Variants in CDH13 observed in about 807,000 individuals in gnomAD.
The protein encoded by CDH13 is cadherin-13.
CDH13 carries 24 observed loss-of-function variants against 63.8 expected under a neutral mutation model. That is an observed-to-expected ratio of 0.38 (90% CI 0.27 to 0.53). CDH13 has a LOEUF of 0.53. Among genes scored for constraint, CDH13 ranks in the 20% least tolerant of loss-of-function variants. The pLI, the probability that CDH13 is intolerant of heterozygous loss-of-function variation, is 0.85. For synonymous variants in CDH13, 503 were observed against 355.3 expected (o/e 1.42, Z -4.67); for missense variants, 1,049 against 903.1 (o/e 1.16, Z -2.07).
intron 5 of CDH13, among the ~76,000 whole-genome samples, chr16:83,231,741 G>A (rs1034949499): frequency 3.9e-5 from 6 of 152,092 alleles, no homozygotes; most frequent in Non-Finnish European, 8.8e-5. Flanking sequence ...GAAAAAGCCT[G>A]CCAACCCCGG....
At chr16:83,263,427 G>A (rs1009021423) in intron 5 of CDH13, among the ~76,000 whole-genome samples, 1 of 151,824 alleles carries the variant, frequency 6.6e-6, no homozygotes, top group Non-Finnish European at 1.5e-5. Context: ...TTTCCTCCTG[G>A]TTCTTCCTCT....
intron 5 of CDH13, among the ~76,000 whole-genome samples, chr16:83,264,329 A>G (rs1168330621): frequency 6.6e-6 from 1 of 152,196 alleles, no homozygotes; most frequent in African/African-American, 2.4e-5. Context: ...ATCTTTGTTT[A>G]TGAATTTTTA....
intron 13 of CDH13, among the ~76,000 whole-genome samples, chr16:83,784,615 G>A (rs1473112049): frequency 7.1e-6 from 1 of 140,324 alleles, no homozygotes. Flanking sequence ...CTGGGTGACA[G>A]AGCAAGGCTC....
chr16:83,711,508 G>C (rs527952369), intron 10 of CDH13, among the ~76,000 whole-genome samples: 1 of 152,064 alleles, frequency 6.6e-6, no homozygotes, highest in South Asian at 2.1e-4. Context: ...TTATTTTTTG[G>C]TTTTTTTGTT....
At chr16:83,141,616 C>T (rs1052861003) in intron 4 of CDH13, among the ~76,000 whole-genome samples, 17 of 152,222 alleles carry the variant, frequency 1.1e-4, no homozygotes, top group Admixed American at 4.6e-4. Context: ...CCATCATCTA[C>T]GTTTTAAGCC....
chr16:83,370,007 C>A (rs192871528), intron 6 of CDH13, among the ~76,000 whole-genome samples: 1 of 152,226 alleles, frequency 6.6e-6, no homozygotes, highest in African/African-American at 2.4e-5. Flanking sequence ...CCATCTGAAA[C>A]GATCTCCTCC....
intron 6 of CDH13, among the ~76,000 whole-genome samples, chr16:83,408,393 C>G (rs1218613792): frequency 6.6e-6 from 1 of 152,146 alleles, no homozygotes; most frequent in Admixed American, 6.5e-5. Flanking sequence ...TTACGCAAAT[C>G]TAGATGGTAT....
At chr16:82,944,221 T>C (rs1482216666) in intron 2 of CDH13, among the ~76,000 whole-genome samples, 2 of 152,152 alleles carry the variant, frequency 1.3e-5, no homozygotes, top group Non-Finnish European at 2.9e-5. Flanking sequence ...GGGCCCTAAT[T>C]TGGAGTTCCA....
intron 5 of CDH13, among the ~76,000 whole-genome samples, chr16:83,326,547 C>G (rs1009876254): frequency 6.6e-6 from 1 of 151,500 alleles, no homozygotes; most frequent in African/African-American, 2.4e-5. Flanking sequence ...GAACAAAATT[C>G]AGAAGAGAAG....
chr16:82,783,490 AG>A (rs2035862030), intron 1 of CDH13, among the ~76,000 whole-genome samples: 1 of 152,220 alleles, frequency 6.6e-6, no homozygotes, highest in Non-Finnish European at 1.5e-5. Flanking sequence ...CAGAGAGGTG[AG>A]CCCCAGGAGG....
intron 5 of CDH13, among the ~76,000 whole-genome samples, chr16:83,224,408 G>T (rs2039785407): frequency 6.6e-6 from 1 of 152,204 alleles, no homozygotes; most frequent in South Asian, 2.1e-4. Flanking sequence ...TTCCAAGTGA[G>T]AGCCTGTCAG....
At chr16:83,001,064 T>G (rs1912872598) in intron 2 of CDH13, among the ~76,000 whole-genome samples, 1 of 152,266 alleles carries the variant, frequency 6.6e-6, no homozygotes, top group Non-Finnish European at 1.5e-5. Flanking sequence ...TTGTGAATTC[T>G]TACTGCTCTA....
intron 2 of CDH13, among the ~76,000 whole-genome samples, chr16:82,865,984 C>T (rs1051822376): frequency 1.3e-5 from 2 of 152,136 alleles, no homozygotes; most frequent in African/African-American, 4.8e-5. Flanking sequence ...TTTCTTCTGC[C>T]AGATACCCTA....
chr16:82,744,875 A>G (rs1427365122), intron 1 of CDH13, among the ~76,000 whole-genome samples: 1 of 152,146 alleles, frequency 6.6e-6, no homozygotes, highest in Non-Finnish European at 1.5e-5. Flanking sequence ...TGGCAGTGAT[A>G]CCCAGTTGTA....
chr16:82,778,590 A>AG (rs1046577380), intron 1 of CDH13, among the ~76,000 whole-genome samples: 2 of 151,748 alleles, frequency 1.3e-5, no homozygotes, highest in African/African-American at 4.8e-5. Context: ...AAAAAAAAAA[A>AG]AAAGGTCTGC....
At chr16:82,727,944 G>A (rs144799268) in intron 1 of CDH13, among the ~76,000 whole-genome samples, 1 of 152,092 alleles carries the variant, frequency 6.6e-6, no homozygotes, top group Non-Finnish European at 1.5e-5. Context: ...GTCTCTGCAG[G>A]TTCAAATTCC....
intron 1 of CDH13, among the ~76,000 whole-genome samples, chr16:82,835,701 T>G (rs558629453): frequency 2.0e-5 from 3 of 152,172 alleles, no homozygotes; most frequent in Non-Finnish European, 2.9e-5. Flanking sequence ...GTTCTCTAGA[T>G]AGAAGTTTCC....
In CDH13 at chr16:83,127,343, G is replaced by C. The variant is rs143405076; in HGVS notation, c.483+1842G>C. Among the ~76,000 whole-genome samples, 269 of 152,334 alleles carry C rather than the reference G, an allele frequency of 1.8e-3. 1 individual carries two copies. The highest frequency in any genetic ancestry group is 2.7e-3 in the Non-Finnish European group (182 of 68,020). ...CTGGCTGCCTTGTAGAGAATGATTAGTGGTAGCAGAGCAGTAGAGAGGAGT... is the reference window on the plus strand; with the variant it reads ...CTGGCTGCCTTGTAGAGAATGATTACTGGTAGCAGAGCAGTAGAGAGGAGT... On this transcript the variant is annotated intron_variant, in intron 4 of 13. Transcript: ENST00000567109.
At chr16:82,816,809 G>A (rs556359984) in intron 1 of CDH13, among the ~76,000 whole-genome samples, 17 of 116,606 alleles carry the variant, frequency 1.5e-4, no homozygotes, top group African/African-American at 5.5e-4. Flanking sequence ...ACTTCGGGGG[G>A]CGGGGGGTGG....
Sources: gnomAD v4.1 joint callset for allele counts (sites outside exome capture counted in the v4.1 genomes callset) on GRCh38, gnomAD v4.1.1 for gene constraint, MANE v1.5 for transcripts, NCBI Gene and HGNC (gene_info 2026-07-23, HGNC 2026-07-21) for gene names.